ARB2A: variants seen among roughly 807,000 people sequenced by gnomAD.
ARB2A encodes the protein ARB2 cotranscriptional regulator A.
At chr5:93,800,610 G>T in the ARB2A span, among the ~76,000 whole-genome samples, 1 of 152,128 alleles carries the variant, frequency 6.6e-6, no homozygotes, top group Middle Eastern at 3.4e-3. Flanking sequence ...TTAAAAGTGC[G>T]TATTAAAACA....
chr5:93,735,761 T>TCTA, the ARB2A span: 2 of 152,168 alleles, frequency 1.3e-5, no homozygotes, highest in Non-Finnish European at 2.9e-5. Context: ...TCCTCAGTGC[T>TCTA]CTACCTTTAG....
chr5:93,914,614 A>G, the ARB2A span, among the ~76,000 whole-genome samples: 19 of 152,016 alleles, frequency 1.2e-4, no homozygotes, highest in East Asian at 3.3e-3. Flanking sequence ...TCTTATCAGA[A>G]ATACATAGAA....
the ARB2A span, among the ~76,000 whole-genome samples, chr5:93,935,709 A>T: frequency 6.6e-6 from 1 of 152,358 alleles, no homozygotes; most frequent in Admixed American, 6.5e-5. Flanking sequence ...AGTACCAGTT[A>T]TCTAAAAATT....
At chr5:94,105,050 A>G in the ARB2A span, among the ~76,000 whole-genome samples, 1 of 152,086 alleles carries the variant, frequency 6.6e-6, no homozygotes, top group Admixed American at 6.6e-5. Flanking sequence ...CTAAATAGGC[A>G]AAAGCTAGAG....
the ARB2A span, among the ~76,000 whole-genome samples, chr5:94,085,199 C>T: frequency 1.3e-5 from 2 of 152,176 alleles, no homozygotes; most frequent in Admixed American, 6.5e-5. Context: ...AAAATGTTCA[C>T]GAAATGTTTC....
the ARB2A span, among the ~76,000 whole-genome samples, chr5:93,653,498 C>T: frequency 1.2e-5 from 1 of 80,926 alleles, no homozygotes; most frequent in Non-Finnish European, 2.3e-5. Flanking sequence ...GGCGAAAAAG[C>T]GAGACTCCGT....
chr5:93,726,183 G>A, the ARB2A span, among the ~76,000 whole-genome samples: 5 of 151,982 alleles, frequency 3.3e-5, no homozygotes, highest in African/African-American at 1.2e-4. Context: ...TCTAATTGTG[G>A]CCTGTATATT....
the ARB2A span, among the ~76,000 whole-genome samples, chr5:94,069,775 A>C: frequency 6.6e-6 from 1 of 152,066 alleles, no homozygotes. Context: ...ATTATTAAAA[A>C]GACAAAAAAT....
At chr5:93,805,447 C>T in the ARB2A span, 1 of 985,120 alleles carries the variant, frequency 1.0e-6, no homozygotes, top group Non-Finnish European at 1.2e-6. Flanking sequence ...GGTGAACATA[C>T]TTCAGACTCA....
chr5:94,111,115 T>C, the ARB2A span, among the ~76,000 whole-genome samples: 1 of 152,214 alleles, frequency 6.6e-6, no homozygotes, highest in Non-Finnish European at 1.5e-5. Flanking sequence ...CTGCAGTGAA[T>C]GACTTCTGGT....
At chr5:93,940,337 CA>C in the ARB2A span, among the ~76,000 whole-genome samples, 4 of 151,942 alleles carry the variant, frequency 2.6e-5, no homozygotes, top group Non-Finnish European at 4.4e-5. Context: ...TCTAGAAAAA[CA>C]AAAGAGTATA....
chr5:94,025,605 A>G, the ARB2A span, among the ~76,000 whole-genome samples: 1 of 152,368 alleles, frequency 6.6e-6, no homozygotes, highest in South Asian at 2.1e-4. Flanking sequence ...AGCGAAACCA[A>G]TAGCAGTGAA....
the ARB2A span, among the ~76,000 whole-genome samples, chr5:93,684,970 A>G: frequency 1.4e-4 from 21 of 152,304 alleles, no homozygotes; most frequent in African/African-American, 4.3e-4. Flanking sequence ...TTGCTTTTAC[A>G]CCTTCTAATT....
At chr5:93,620,602 G>A in the ARB2A span, 1 of 173,160 alleles carries the variant, frequency 5.8e-6, no homozygotes, top group East Asian at 1.5e-4. Context: ...GATTAAGGAG[G>A]GGGAAGCAGC....
At chr5:93,996,775 A>G in the ARB2A span, among the ~76,000 whole-genome samples, 1 of 152,088 alleles carries the variant, frequency 6.6e-6, no homozygotes, top group Admixed American at 6.6e-5. Flanking sequence ...TCTAGGAAAT[A>G]ATTATGACCT....
chr5:93,883,496 T>TA, the ARB2A span, among the ~76,000 whole-genome samples: 2 of 151,648 alleles, frequency 1.3e-5, no homozygotes, highest in East Asian at 3.9e-4. Flanking sequence ...CTAATCTGTA[T>TA]AGCTATTCAA....
the ARB2A span, among the ~76,000 whole-genome samples, chr5:93,645,348 C>T: frequency 4.6e-5 from 7 of 151,924 alleles, no homozygotes; most frequent in African/African-American, 7.3e-5. Flanking sequence ...CCAAGGCAGG[C>T]AGATAAAGAG....
At chr5:93,945,107 T>C in the ARB2A span, among the ~76,000 whole-genome samples, 1 of 152,218 alleles carries the variant, frequency 6.6e-6, no homozygotes, top group Admixed American at 6.5e-5. Flanking sequence ...CTGACATGTG[T>C]GGCCAACACT....
At chr5:93,701,399 G>A in the ARB2A span, among the ~76,000 whole-genome samples, 4 of 152,050 alleles carry the variant, frequency 2.6e-5, no homozygotes, top group African/African-American at 9.7e-5. Context: ...ACCACAATTT[G>A]CATTGTTATA....
Sources: gnomAD v4.1 joint callset for allele counts (sites outside exome capture counted in the v4.1 genomes callset) on GRCh38, gnomAD v4.1.1 for gene constraint, MANE v1.5 for transcripts, NCBI Gene and HGNC (gene_info 2026-07-23, HGNC 2026-07-21) for gene names.